Variants in DPP10 observed in about 807,000 individuals in gnomAD.
The protein encoded by DPP10 is dipeptidyl peptidase like 10.
Under a neutral mutation model 120.9 loss-of-function variants are expected in DPP10, and 33 were observed. That is an observed-to-expected ratio of 0.27 (90% CI 0.21 to 0.37). The LOEUF (loss-of-function observed/expected upper bound fraction) is 0.37. Among genes scored for constraint, DPP10 ranks in the 10% least tolerant of loss-of-function variants. The pLI, the probability that DPP10 is intolerant of heterozygous loss-of-function variation, is 1.00. For missense variants in DPP10, 816 were observed against 942.8 expected (o/e 0.87, Z 1.76); for synonymous variants, 337 against 326.1 (o/e 1.03, Z -0.36).
chr2:114,943,327 G>T (rs1057243499), intron 1 of DPP10, among the ~76,000 whole-genome samples: 1 of 152,098 alleles, frequency 6.6e-6, no homozygotes, highest in African/African-American at 2.4e-5. Context: ...AGGCTGGAGT[G>T]CAATGGTGCT....
intron 1 of DPP10, among the ~76,000 whole-genome samples, chr2:114,456,755 T>C (rs889705935): frequency 5.3e-5 from 8 of 152,208 alleles, no homozygotes; most frequent in African/African-American, 1.9e-4. Context: ...GGGCTGAATT[T>C]TTCCCAGTAA....
chr2:115,380,149 G>T (rs2066190805), intron 3 of DPP10, among the ~76,000 whole-genome samples: 2 of 152,076 alleles, frequency 1.3e-5, no homozygotes, highest in African/African-American at 2.4e-5. Context: ...GTTGACAGTG[G>T]GGTGTTAAAG....
intron 5 of DPP10, among the ~76,000 whole-genome samples, chr2:115,659,775 G>GA (rs2088749256): frequency 6.6e-6 from 1 of 152,044 alleles, no homozygotes; most frequent in African/African-American, 2.4e-5. Context: ...CTATTACAAG[G>GA]AAAAAATGAT....
chr2:114,815,176 T>G (rs1176429377), intron 1 of DPP10, among the ~76,000 whole-genome samples: 2 of 152,234 alleles, frequency 1.3e-5, no homozygotes, highest in Non-Finnish European at 1.5e-5. Context: ...GTGGGCATTT[T>G]CAATTCCATC....
chr2:115,181,799 A>G (rs749494765), intron 1 of DPP10, among the ~76,000 whole-genome samples: 3 of 152,222 alleles, frequency 2.0e-5, no homozygotes, highest in Non-Finnish European at 4.4e-5. Context: ...ATCATTGGCT[A>G]AAACAACAGA....
At chr2:115,625,101 A>T (rs2085255992) in intron 5 of DPP10, among the ~76,000 whole-genome samples, 1 of 152,004 alleles carries the variant, frequency 6.6e-6, no homozygotes, top group African/African-American at 2.4e-5. Flanking sequence ...AATAAAAAAA[A>T]AATGTGTCTG....
At position 114,636,171 on chromosome 2, in the gene DPP10, TCAAACATTTGCA is replaced by T. The variant is rs537893450; in HGVS notation, c.60+193338_60+193349del. On this transcript the variant is annotated intron_variant, in intron 1 of 25. Coordinates refer to ENST00000410059, the MANE Select transcript of DPP10 (RefSeq NM_020868.6). ...AAAAGCAGATAGTTCATTTCACAAGTCAAACATTTGCACAAATATTTTTCCTTGAAATAATCA... is the reference window on the plus strand; with the variant it reads ...AAAAGCAGATAGTTCATTTCACAAGTCAAATATTTTTCCTTGAAATAATCA... Among the ~76,000 whole-genome samples the T allele has an allele frequency of 3.9e-5, 6 of 152,118 alleles. No individual in the cohort carries two copies. In the East Asian group the frequency reaches 1.2e-3, roughly 29 times the overall value.
At chr2:115,151,354 CTA>C (rs2051538855) in intron 1 of DPP10, among the ~76,000 whole-genome samples, 1 of 151,220 alleles carries the variant, frequency 6.6e-6, no homozygotes, top group Non-Finnish European at 1.5e-5. Context: ...ATCAGTTACA[CTA>C]TGAGATTTTT....
intron 1 of DPP10, among the ~76,000 whole-genome samples, chr2:115,221,379 A>T (rs1479686301): frequency 1.3e-5 from 2 of 152,108 alleles, no homozygotes; most frequent in East Asian, 1.9e-4. Flanking sequence ...TTTGCGTTAT[A>T]CTCAAATGCA....
intron 1 of DPP10, among the ~76,000 whole-genome samples, chr2:115,133,995 AC>A (rs1197026188): frequency 6.6e-6 from 1 of 152,194 alleles, no homozygotes; most frequent in East Asian, 1.9e-4. Context: ...GTTATGATGA[AC>A]TTCTAAAGGA....
At position 115,145,336 on chromosome 2, in the gene DPP10, T is replaced by C. The variant is rs141547839; in HGVS notation, c.61-163903T>C. On this transcript the variant is annotated intron_variant, in intron 1 of 25. Coordinates refer to ENST00000410059, the MANE Select transcript of DPP10 (RefSeq NM_020868.6). Reference sequence around the variant, plus strand: ...CCTCCTTTCAAATTCATGACAATCATTCATCCTTCTACTGTCTCCATAGTT... The same window carrying C: ...CCTCCTTTCAAATTCATGACAATCACTCATCCTTCTACTGTCTCCATAGTT... 1.5e-3 allele frequency among the ~76,000 whole-genome samples: 228 copies of C among 152,290 alleles called. 6 individuals carry two copies. The highest frequency in any genetic ancestry group is 5.1e-3 in the African/African-American group (210 of 41,576).
intron 17 of DPP10, among the ~76,000 whole-genome samples, chr2:115,788,485 A>G (rs950626305): frequency 6.6e-6 from 1 of 152,190 alleles, no homozygotes; most frequent in Non-Finnish European, 1.5e-5. Flanking sequence ...CAAGATCAAT[A>G]AAGTTGGCAA....
chr2:115,011,552 C>T (rs1258126027), intron 1 of DPP10, among the ~76,000 whole-genome samples: 1 of 152,110 alleles, frequency 6.6e-6, no homozygotes, highest in Admixed American at 6.6e-5. Context: ...ATTAAGATAG[C>T]CCACACAGCT....
intron 19 of DPP10, 89 bp from the exon 20 acceptor site, chr2:115,814,704 C>G: frequency 9.4e-7 from 1 of 1,068,616 alleles, no homozygotes; most frequent in Non-Finnish European, 1.3e-6. Context: ...ACAGTTCTTT[C>G]CCATTACTTA....
intron 3 of DPP10, among the ~76,000 whole-genome samples, chr2:115,407,930 A>C (rs1370891961): frequency 6.6e-6 from 1 of 152,128 alleles, no homozygotes; most frequent in Non-Finnish European, 1.5e-5. Context: ...TGCATTCAAA[A>C]GGGGTACAGA....
At chr2:115,627,093 T>C (rs577635179) in intron 5 of DPP10, among the ~76,000 whole-genome samples, 18 of 152,064 alleles carry the variant, frequency 1.2e-4, no homozygotes, top group African/African-American at 3.4e-4. Context: ...GTAAGAAAAA[T>C]ATAGAATAAC....
At chr2:115,448,193 T>C (rs1302942041) in intron 3 of DPP10, among the ~76,000 whole-genome samples, 2 of 152,160 alleles carry the variant, frequency 1.3e-5, no homozygotes, top group African/African-American at 2.4e-5. Context: ...AAAGATTCTA[T>C]TCCAGGGAAA....
At position 114,735,506 on chromosome 2, in the gene DPP10, CTG is replaced by C. The variant is rs1373131074; in HGVS notation, c.60+292670_60+292671del. 3.3e-5 allele frequency among the ~76,000 whole-genome samples: 5 copies of C among 152,298 alleles called. No homozygotes were observed. In the East Asian group the frequency reaches 9.6e-4, roughly 29 times the overall value. ...TCTGTTTCAAGAGCTAATAAACACA[CTG>C]TTATTATCATATTAGTTTTATCCTT... On this transcript the variant is annotated intron_variant, in intron 1 of 25. Coordinates refer to ENST00000410059, the MANE Select transcript of DPP10 (RefSeq NM_020868.6).
intron 4 of DPP10, among the ~76,000 whole-genome samples, chr2:115,507,730 G>C (rs2077020747): frequency 6.6e-6 from 1 of 152,142 alleles, no homozygotes; most frequent in Non-Finnish European, 1.5e-5. Flanking sequence ...AAGAAAGAAA[G>C]TGGCAATACC....
Sources: allele counts gnomAD v4.1 joint callset (sites outside exome capture counted in the v4.1 genomes callset), GRCh38; gene constraint gnomAD v4.1.1; transcripts MANE v1.5; gene names NCBI Gene and HGNC (gene_info 2026-07-23, HGNC 2026-07-21).